The following NEB variants were observed in gnomAD, a reference collection of about 807,000 sequenced individuals.
The protein encoded by NEB is nemaline myopathy type 2.
Under a neutral mutation model 952.2 loss-of-function variants are expected in NEB, and 512 were observed. The ratio of observed to expected loss-of-function variants is 0.54; its 90% CI spans 0.50 to 0.58. NEB has a LOEUF of 0.58. Ranked by LOEUF, NEB falls within the 20% of genes least tolerant of loss-of-function variation. The probability of loss-of-function intolerance (pLI) is 0.00; values close to 1 mark genes in which losing one functional copy is unlikely to be tolerated. For missense variants in NEB, 8,428 were observed against 9,231.1 expected, an observed-to-expected ratio of 0.91 and a Z score of 3.56; for synonymous variants, 2,900 against 3,149.8, an observed-to-expected ratio of 0.92 and a Z score of 2.66.
At position 151,692,028 on chromosome 2, in the gene NEB, G is replaced by C. The variant is rs771724933; in HGVS notation, c.2106+31C>G. 3 of 1,607,024 alleles carry C rather than the reference G, an allele frequency of 1.9e-6. No homozygotes were observed. In the East Asian group the frequency reaches 6.7e-5, roughly 36 times the overall value. On this transcript the variant is annotated intron_variant, in intron 22 of 181. Transcript: ENST00000397345. ...GTTATGGCTCTCAAACAATGTCACT[G>C]TGAGGCATGAACCATTGTCTTCAAA...
intron 125 of NEB, 92 bp from the exon 126 acceptor site, chr2:151,554,117 G>T: frequency 8.7e-7 from 1 of 1,153,596 alleles, no homozygotes; most frequent in Non-Finnish European, 1.3e-6. Flanking sequence ...AACTCACAGC[G>T]AACAGTTGGG....
chr2:151,564,999 C>G, intron 117 of NEB, 45 bp downstream of exon 117: 1 of 1,175,562 alleles, frequency 8.5e-7, no homozygotes, highest in Non-Finnish European at 1.2e-6. Flanking sequence ...GCAACAAGAG[C>G]TTCAAATTAG....
At chr2:151,490,194 GAAATC>G in intron 180 of NEB, 117 bp from the exon 181 acceptor site, 3 of 1,175,022 alleles carry the variant, frequency 2.6e-6, no homozygotes, top group Non-Finnish European at 3.6e-6. Context: ...TCCAAAAAGA[GAAATC>G]AAAGAAAATG....
chr2:151,716,492 T>C (rs1274099061), intron 10 of NEB, among the ~76,000 whole-genome samples: 1 of 152,208 alleles, frequency 6.6e-6, no homozygotes, highest in Non-Finnish European at 1.5e-5. Context: ...AGTTAATTTC[T>C]GCTTAGCCTT....
At chr2:151,730,976 G>A (rs1242297520) in intron 3 of NEB, among the ~76,000 whole-genome samples, 1 of 152,160 alleles carries the variant, frequency 6.6e-6, no homozygotes, top group Non-Finnish European at 1.5e-5. Flanking sequence ...TTTTACAGTT[G>A]TGACTTTTCA....
At chr2:151,662,042 T>A in intron 46 of NEB, 93 bp downstream of exon 46, 1 of 1,117,426 alleles carries the variant, frequency 8.9e-7, no homozygotes, top group East Asian at 2.6e-5. Flanking sequence ...TGTGATGCCC[T>A]ATAACTGTAT....
chr2:151,513,758 G>C, intron 159 of NEB, 65 bp from the exon 160 acceptor site: 1 of 1,124,912 alleles, frequency 8.9e-7, no homozygotes, highest in Non-Finnish European at 1.3e-6. Context: ...TAAACATACA[G>C]GGTGAATGTA....
At chr2:151,609,176 A>C (rs571516269) in intron 81 of NEB, among the ~76,000 whole-genome samples, 1 of 151,042 alleles carries the variant, frequency 6.6e-6, no homozygotes, top group Non-Finnish European at 1.5e-5. Context: ...CTGGGCAACG[A>C]GAGTGAAACT....
intron 37 of NEB, among the ~76,000 whole-genome samples, chr2:151,671,849 A>G (rs1034503973): frequency 2.6e-5 from 4 of 152,200 alleles, no homozygotes; most frequent in Non-Finnish European, 5.9e-5. Context: ...CTGCAGCAGG[A>G]GAGGCTCTGA....
intron 19 of NEB, 31 bp downstream of exon 19, chr2:151,694,491 C>G: frequency 6.2e-7 from 1 of 1,613,500 alleles, no homozygotes; most frequent in Non-Finnish European, 8.5e-7. Context: ...TCCCCGAAGC[C>G]AGCCTGTCCA....
chr2:151,690,643 T>G (rs1425980973), intron 24 of NEB, 84 bp downstream of exon 24: 9 of 967,358 alleles, frequency 9.3e-6, no homozygotes, highest in Admixed American at 6.0e-5. Flanking sequence ...GATGAGCCCA[T>G]GAAGATTAAG....
At chr2:151,642,109 G>A (rs1397883067) in intron 60 of NEB, among the ~76,000 whole-genome samples, 2 of 152,144 alleles carry the variant, frequency 1.3e-5, no homozygotes, top group East Asian at 3.9e-4. Flanking sequence ...ATCTTTTAAA[G>A]AAAGCAAATA....
At chr2:151,559,914 G>C (rs545605928) in intron 124 of NEB, among the ~76,000 whole-genome samples, 3 of 152,160 alleles carry the variant, frequency 2.0e-5, no homozygotes, top group Non-Finnish European at 4.4e-5. Context: ...CGTTCTGCAC[G>C]TGTACCCCAG....
intron 16 of NEB, 124 bp downstream of exon 16, chr2:151,697,024 A>C: frequency 1.4e-6 from 1 of 711,154 alleles, no homozygotes; most frequent in Non-Finnish European, 2.3e-6. Flanking sequence ...ACTACAAAAT[A>C]GACTTCATTT....
chr2:151,592,017 G>T lies in NEB; in HGVS notation c.14826+17C>A, dbSNP rs747601238. The T allele has an allele frequency of 1.3e-4, 197 of 1,549,484 alleles. No individual in the cohort carries two copies. The highest frequency in any genetic ancestry group is 1.6e-4 in the Non-Finnish European group (189 of 1,146,790). On this transcript the variant is annotated intron_variant, in intron 95 of 181. Coordinates refer to ENST00000397345, the MANE Select transcript of NEB (RefSeq NM_001164508.2). Reference sequence around the variant, plus strand: ...GCAGAGAGCACTGTGAAAAGCAAATGATGTGCGCTGTCTTACATTGCTGAT... The same window carrying T: ...GCAGAGAGCACTGTGAAAAGCAAATTATGTGCGCTGTCTTACATTGCTGAT...
Position 151,633,669 on chromosome 2 carries a change from A to G in NEB, c.9399T>C (p.Tyr3133=), listed in dbSNP as rs1193429007. The change falls in exon 65 of 182, where the codon TAT becomes TAC. Residue 3133 remains tyrosine (Y), a synonymous_variant. Coordinates refer to ENST00000397345, the MANE Select transcript of NEB (RefSeq NM_001164508.2). ...CTGTACTCACGTCACTCTGGAGGTC[A>G]TAGGCCTGCCGAGCATGGATGACAT... The part of the protein sequence containing the change: ...QSDVIHARQA[Y]DLQSDNIYKS... 2 of 1,612,984 alleles carry G rather than the reference A, an allele frequency of 1.2e-6. No homozygotes were observed. Among genetic ancestry groups the G allele is most frequent in the Non-Finnish European group, 1.7e-6 (2 of 1,179,048 alleles).
chr2:151,485,932 T>A lies in NEB; in HGVS notation c.25406A>T (p.Lys8469Ile), dbSNP rs559804968. The A allele has an allele frequency of 1.2e-6, 2 of 1,613,632 alleles. No homozygotes were observed. Among genetic ancestry groups the A allele is most frequent in the East Asian group, 2.2e-5 (1 of 44,858 alleles). Residue 8469 changes from lysine to isoleucine, a missense_variant and splice_region_variant, in exon 182 of 182, where the codon AAA (lysine) becomes ATA (isoleucine). Around this residue, in one of 11 missense-constraint regions of NEB, gnomAD observed 3,374 missense variants for 3,651.5 expected, o/e 0.92. Coordinates refer to ENST00000397345, the MANE Select transcript of NEB (RefSeq NM_001164508.2). ...SIPSHPSTAG[K>I]IFRAMYDYMA... ...ATAGTCATACATGGCACGGAAGATT[T>A]TCTATTCGTGGGGATGGAAAAGGGG...
At chr2:151,581,613 T>C in intron 102 of NEB, 26 bp from the exon 103 acceptor site, 3 of 886,146 alleles carry the variant, frequency 3.4e-6, no homozygotes, top group Non-Finnish European at 5.5e-6. Context: ...AACGATGGAA[T>C]GGTCAATTAG....
intron 28 of NEB, 41 bp from the exon 29 acceptor site, chr2:151,682,810 A>G (rs994545702): frequency 1.3e-6 from 2 of 1,511,788 alleles, no homozygotes; most frequent in African/African-American, 2.8e-5. Context: ...TTGCTGTGTC[A>G]TCCTCATTAT....
Sources: allele counts gnomAD v4.1 joint callset (sites outside exome capture counted in the v4.1 genomes callset), GRCh38; gene constraint gnomAD v4.1.1; regional missense constraint gnomAD v4.1.1; transcripts MANE v1.5; gene names NCBI Gene and HGNC (gene_info 2026-07-23, HGNC 2026-07-21).